Variants in BCL7C observed in about 807,000 individuals in gnomAD.
BCL7C encodes B-cell CLL/lymphoma 7 protein family member C.
In BCL7C, 8 loss-of-function variants were observed where a neutral mutation model predicts 26.2. The ratio of observed to expected loss-of-function variants is 0.30; its 90% confidence interval spans 0.18 to 0.55. The LOEUF is 0.55. BCL7C is among the 20% of genes least tolerant of loss of function. The probability of loss-of-function intolerance (pLI) is 0.93; values close to 1 mark genes in which losing one functional copy is unlikely to be tolerated. For missense variants in BCL7C, 262 were observed against 298.5 expected (o/e 0.88, Z 0.90); for synonymous variants, 90 against 116.5 (o/e 0.77, Z 1.47).
chr16:30,865,614 C>A (rs1393088565), intron 5 of BCL7C, among the ~76,000 whole-genome samples: 2 of 151,708 alleles, frequency 1.3e-5, no homozygotes, highest in Admixed American at 1.3e-4. Context: ...AATAAAACAC[C>A]AATTCAAGGT....
intron 5 of BCL7C, among the ~76,000 whole-genome samples, chr16:30,861,027 GCTGAAGGTAGAGT>G (rs1300407733): frequency 6.6e-6 from 1 of 152,140 alleles, no homozygotes; most frequent in Non-Finnish European, 1.5e-5. Context: ...GGTGGCTGGA[GCTGAAGGTAGAGT>G]CAAGGTTAAT....
chr16:30,866,460 C>T (rs1306250014), intron 5 of BCL7C, among the ~76,000 whole-genome samples: 1 of 151,742 alleles, frequency 6.6e-6, no homozygotes, highest in Non-Finnish European at 1.5e-5. Context: ...ACCTGTAGTC[C>T]CAGCTACTCA....
In BCL7C at chr16:30,837,907, C is replaced by T. The variant is rs555189369; in HGVS notation, c.529-2759G>A. 7.2e-5 allele frequency among the ~76,000 whole-genome samples: 11 copies of T among 152,240 alleles called. No individual in the cohort carries two copies. The South Asian group carries it at 2.1e-3, about 29-fold the overall frequency. On this transcript the variant is annotated intron_variant, in intron 5 of 5. Transcript: ENST00000380317. ...AGACATAATGGTGAACAATGCAGGGCCCTACAATTTTTCCTCCTCTATGGA... is the reference window on the plus strand; with the variant it reads ...AGACATAATGGTGAACAATGCAGGGTCCTACAATTTTTCCTCCTCTATGGA...
At chr16:30,859,887 C>T (rs527239157) in intron 5 of BCL7C, among the ~76,000 whole-genome samples, 79 of 152,320 alleles carry the variant, frequency 5.2e-4, no homozygotes, top group Non-Finnish European at 8.7e-4. Context: ...CATTTGGTGC[C>T]GAAACCTGGG....
At chr16:30,836,072 G>A (rs565994161) in intron 5 of BCL7C, among the ~76,000 whole-genome samples, 1 of 151,780 alleles carries the variant, frequency 6.6e-6, no homozygotes, top group African/African-American at 2.4e-5. Context: ...GGCAAACATG[G>A]TGAAACCCCG....
intron 5 of BCL7C, among the ~76,000 whole-genome samples, chr16:30,862,385 C>T (rs775417720): frequency 4.6e-5 from 7 of 152,212 alleles, no homozygotes; most frequent in Admixed American, 3.3e-4. Flanking sequence ...ACTCATCAGT[C>T]TCAGCAACTT....
At chr16:30,852,060 G>C (rs1464138961) in intron 5 of BCL7C, 1 of 157,980 alleles carries the variant, frequency 6.3e-6, no homozygotes, top group African/African-American at 2.4e-5. Context: ...TTCTTGTGTA[G>C]TTTTAACAGG....
At position 30,864,926 on chromosome 16, in the gene BCL7C, T is replaced by G. The variant is rs113816008; in HGVS notation, c.528+23934A>C. ...TACTTTGTCTGTAATCCCAGCACTT[T>G]GGGAGGCCGAGGTTGGCGGATCACA... On this transcript the variant is annotated intron_variant, in intron 5 of 5. Transcript: ENST00000380317. Among the ~76,000 whole-genome samples, 581 of 142,972 alleles carry G rather than the reference T, an allele frequency of 4.1e-3. 9 individuals carry two copies. The highest frequency in any genetic ancestry group is 0.014 in the African/African-American group (555 of 38,808). 93.8% of individuals were successfully genotyped at this position (142,972 alleles called of 152,430 possible).
At chr16:30,883,163 GTGCCCAAGGACAGA>G (rs2055068993), downstream of BCL7C, among the ~76,000 whole-genome samples, 1 of 152,104 alleles carries the variant, frequency 6.6e-6, no homozygotes, top group South Asian at 2.1e-4. Context: ...GAAGAGGGGA[GTGCCCAAGGACAGA>G]TGAGGGCTCA....
Position 30,887,957 on chromosome 16 carries a change from G to A in BCL7C, c.562C>T (p.Pro188Ser), listed in dbSNP as rs1377378174. The change falls in exon 6 of 6, where the codon CCA becomes TCA. Residue 188 changes from proline to serine, a missense_variant. Pro to Ser is a moderately conservative substitution (Grantham distance 74). Transcript: ENST00000215115. ...CCCTGGGCTGCCTCAGGGACAGGTG[G>A]CACTGGCTCAAAGACAGGGTAAGCT... ...PEAYPVFEPV[P>S]PVPEAAQGDT... The A allele has an allele frequency of 5.0e-6, 8 of 1,606,908 alleles. No individual in the cohort carries two copies. The highest frequency in any genetic ancestry group is 6.8e-6 in the Non-Finnish European group (8 of 1,177,048).
chr16:30,836,874 T>A (rs1318246511), intron 5 of BCL7C, among the ~76,000 whole-genome samples: 3 of 151,338 alleles, frequency 2.0e-5, no homozygotes, highest in African/African-American at 7.3e-5. Flanking sequence ...ACTCACTGCA[T>A]CCCCTGCCTA....
chr16:30,842,774 C>T (rs1027167697), intron 5 of BCL7C, among the ~76,000 whole-genome samples: 64 of 152,234 alleles, frequency 4.2e-4, no homozygotes, highest in African/African-American at 1.5e-3. Context: ...ATCACCGTGT[C>T]AGCCAGGATG....
chr16:30,849,995 G>T (rs547828579), intron 5 of BCL7C, among the ~76,000 whole-genome samples: 1 of 151,768 alleles, frequency 6.6e-6, no homozygotes, highest in Non-Finnish European at 1.5e-5. Flanking sequence ...AGATCACAAG[G>T]TCAGGAGATC....
intron 5 of BCL7C, among the ~76,000 whole-genome samples, chr16:30,879,158 A>G (rs999587042): frequency 7.9e-5 from 12 of 152,314 alleles, no homozygotes; most frequent in Non-Finnish European, 1.6e-4. Context: ...CTCCTGGGAC[A>G]TGGAACCTGC....
At position 30,834,728 on chromosome 16, in the gene BCL7C, C is replaced by G. The variant is rs543466327; in HGVS notation, c.*220G>C. 2.1e-6 allele frequency: 1 copy of G among 469,870 alleles called. No homozygotes were observed. The highest frequency in any genetic ancestry group is 3.8e-6 in the Non-Finnish European group (1 of 266,578). The allele number at this position is 469,870 out of a possible 1,614,324, so 29.1% of individuals were successfully genotyped here. A position where few individuals can be genotyped will look rare whatever the true frequency, so the allele number is the denominator to read the frequency against. On this transcript the variant is annotated 3_prime_UTR_variant, in exon 6 of 6. Coordinates refer to the BCL7C transcript ENST00000380317. The surrounding 1 kb of genome is among the most constrained non-coding windows in gnomAD (Gnocchi z 4.3). The stretch of plus-strand genomic sequence containing the variant: ...GCGGCCTCAGGCACTGGATGTGGTC[C>G]GAGTTCTGCCCTAAGCCCTTCCCAT...
chr16:30,885,945 G>A (rs1464856343), downstream of BCL7C, among the ~76,000 whole-genome samples: 3 of 152,050 alleles, frequency 2.0e-5, no homozygotes, highest in Non-Finnish European at 4.4e-5. Flanking sequence ...TCAACTTCCC[G>A]GGCTCAAGCA....
chr16:30,874,358 T>C (rs2054915752), intron 5 of BCL7C, among the ~76,000 whole-genome samples: 1 of 152,072 alleles, frequency 6.6e-6, no homozygotes, highest in Non-Finnish European at 1.5e-5. Flanking sequence ...GGCTCATGCC[T>C]GTAATCCCAG....
chr16:30,834,898 G>A lies in BCL7C; in HGVS notation c.*50C>T. ...GGGGCACAGGTAGTGGCTGGATCTT[G>A]GGGCAGCCAAGGGAGGCTTTAGGGG... On this transcript the variant is annotated 3_prime_UTR_variant, in exon 6 of 6. Transcript: ENST00000380317. The surrounding 1 kb of genome is among the most constrained non-coding windows in gnomAD (Gnocchi z 4.3). 1 of 1,443,712 alleles carries A rather than the reference G, an allele frequency of 6.9e-7. No individual in the cohort carries two copies. Among genetic ancestry groups the A allele is most frequent in the Non-Finnish European group, 9.2e-7 (1 of 1,088,910 alleles). The allele number at this position is 1,443,712 out of a possible 1,614,324, so 89.4% of individuals were successfully genotyped here.
At chr16:30,886,333 G>T (rs909023126), downstream of BCL7C, among the ~76,000 whole-genome samples, 2 of 152,126 alleles carry the variant, frequency 1.3e-5, no homozygotes, top group Non-Finnish European at 2.9e-5. Context: ...TTGCTCAGAT[G>T]AACAAACTAA....
Sources: allele counts gnomAD v4.1 joint callset (sites outside exome capture counted in the v4.1 genomes callset), GRCh38; gene constraint gnomAD v4.1.1; non-coding constraint Gnocchi (gnomAD v3.1); transcripts MANE v1.5; gene names NCBI Gene and HGNC (gene_info 2026-07-23, HGNC 2026-07-21).